Variants in LRRC4C observed in about 807,000 individuals in gnomAD.
LRRC4C encodes the protein leucine rich repeat containing 4C.
Under a neutral mutation model 33.6 loss-of-function variants are expected in LRRC4C, and 5 were observed. The observed-to-expected ratio is 0.15, with a 90% CI of 0.08 to 0.31. The LOEUF (loss-of-function observed/expected upper bound fraction) is 0.31. Ranked by LOEUF, LRRC4C falls within the 10% of genes least tolerant of loss-of-function variation. The probability of loss-of-function intolerance (pLI) is 1.00; values close to 1 mark genes in which losing one functional copy is unlikely to be tolerated. For synonymous variants in LRRC4C, 329 were observed against 302.0 expected, an observed-to-expected ratio of 1.09 and a Z score of -0.93; for missense variants, 560 against 796.7, an observed-to-expected ratio of 0.70 and a Z score of 3.58.
At chr11:40,806,970 C>T (rs1951281695) in intron 2 of LRRC4C, among the ~76,000 whole-genome samples, 1 of 151,904 alleles carries the variant, frequency 6.6e-6, no homozygotes, top group Non-Finnish European at 1.5e-5. Flanking sequence ...TAAAAAAAAA[C>T]TGCTCTACTT....
intron 3 of LRRC4C, among the ~76,000 whole-genome samples, chr11:40,500,343 AT>A (rs1231991338): frequency 2.0e-5 from 3 of 149,226 alleles, no homozygotes; most frequent in Non-Finnish European, 3.0e-5. Context: ...CATTATATAT[AT>A]ATACACATTA....
intron 1 of LRRC4C, among the ~76,000 whole-genome samples, chr11:40,997,217 A>T (rs934549838): frequency 2.0e-5 from 3 of 152,158 alleles, no homozygotes; most frequent in Admixed American, 2.0e-4. Context: ...GAGAAGAAAA[A>T]TAAGAGAGAG....
chr11:40,513,299 A>G (rs1955418326), intron 3 of LRRC4C, among the ~76,000 whole-genome samples: 1 of 152,100 alleles, frequency 6.6e-6, no homozygotes, highest in South Asian at 2.1e-4. Context: ...CACTCTAACA[A>G]TTCTTCCAAG....
At chr11:41,199,811 T>G (rs886089460) in intron 1 of LRRC4C, among the ~76,000 whole-genome samples, 2 of 152,092 alleles carry the variant, frequency 1.3e-5, no homozygotes, top group Admixed American at 6.6e-5. Flanking sequence ...TTTTCATAGA[T>G]ATTGTGGCTG....
At chr11:40,949,245 T>C (rs1239249343) in intron 1 of LRRC4C, among the ~76,000 whole-genome samples, 4 of 152,096 alleles carry the variant, frequency 2.6e-5, no homozygotes, top group Non-Finnish European at 2.9e-5. Flanking sequence ...TTTGTTGGAG[T>C]TCATTGTAGA....
chr11:40,267,163 C>T (rs924288873), intron 4 of LRRC4C, among the ~76,000 whole-genome samples: 13 of 151,888 alleles, frequency 8.6e-5, no homozygotes, highest in Non-Finnish European at 1.6e-4. Flanking sequence ...AATTTTTAAC[C>T]GAAGAAATAT....
At chr11:40,375,357 T>C (rs1314305200) in intron 3 of LRRC4C, among the ~76,000 whole-genome samples, 1 of 152,158 alleles carries the variant, frequency 6.6e-6, no homozygotes, top group Non-Finnish European at 1.5e-5. Context: ...GGAAAATGAA[T>C]CTTCTCTTTA....
At chr11:41,423,895 T>G (rs1954952269) in intron 1 of LRRC4C, 1 of 151,940 alleles carries the variant, frequency 6.6e-6, no homozygotes, top group Non-Finnish European at 1.5e-5. Context: ...TCATCTTGAA[T>G]TCCTATGTGT....
At chr11:40,601,762 T>G (rs1178247076) in intron 3 of LRRC4C, among the ~76,000 whole-genome samples, 1 of 152,192 alleles carries the variant, frequency 6.6e-6, no homozygotes, top group East Asian at 1.9e-4. Context: ...GCTGATATTT[T>G]TCATGATCAA....
At chr11:40,743,192 A>G (rs2136921271) in intron 2 of LRRC4C, among the ~76,000 whole-genome samples, 1 of 152,262 alleles carries the variant, frequency 6.6e-6, no homozygotes, top group East Asian at 1.9e-4. Context: ...ATAATCTTAA[A>G]AATGATATCA....
At chr11:40,130,760 C>T (rs1856592704) in intron 6 of LRRC4C, among the ~76,000 whole-genome samples, 1 of 152,204 alleles carries the variant, frequency 6.6e-6, no homozygotes, top group Non-Finnish European at 1.5e-5. Flanking sequence ...GTTGTATCTC[C>T]CACTGTTCTT....
rs142162394 is a variant in LRRC4C, at chr11:40,543,059, T to C, written c.-270+105083A>G. Among the ~76,000 whole-genome samples the C allele has an allele frequency of 2.1e-4, 32 of 152,256 alleles. No homozygotes were observed. In the East Asian group the frequency reaches 5.8e-3, roughly 28 times the overall value. ...TCAGGCATATTATAGTTCCTTATGA[T>C]AGGATATCTGGCATATACCATGGTC... On this transcript the variant is annotated intron_variant, in intron 3 of 6. Transcript: ENST00000528697.
intron 3 of LRRC4C, among the ~76,000 whole-genome samples, chr11:40,613,597 A>C (rs1308749135): frequency 6.6e-6 from 1 of 151,726 alleles, no homozygotes; most frequent in East Asian, 1.9e-4. Context: ...GTTAATGTTA[A>C]TATTTTGGCC....
chr11:40,296,516 T>C (rs549546022), intron 4 of LRRC4C, among the ~76,000 whole-genome samples: 1 of 152,232 alleles, frequency 6.6e-6, no homozygotes, highest in East Asian at 1.9e-4. Context: ...AACATTAAGG[T>C]TTTGGTAACA....
At chr11:40,510,502 A>G (rs1242924613) in intron 3 of LRRC4C, among the ~76,000 whole-genome samples, 2 of 152,218 alleles carry the variant, frequency 1.3e-5, no homozygotes, top group Admixed American at 6.5e-5. Flanking sequence ...AGAATCCTGT[A>G]AATTCATTAT....
chr11:41,142,089 A>G (rs1317777339), intron 1 of LRRC4C, among the ~76,000 whole-genome samples: 2 of 152,290 alleles, frequency 1.3e-5, no homozygotes, highest in African/African-American at 4.8e-5. Flanking sequence ...TTACAATTAC[A>G]AAAGTCCCAA....
At chr11:40,157,783 A>T (rs768145711) in intron 5 of LRRC4C, among the ~76,000 whole-genome samples, 4 of 152,166 alleles carry the variant, frequency 2.6e-5, no homozygotes, top group South Asian at 2.1e-4. Flanking sequence ...GATGCGGTGA[A>T]CAGGGAACAC....
At chr11:40,944,047 C>T (rs917240911) in intron 1 of LRRC4C, among the ~76,000 whole-genome samples, 6 of 152,124 alleles carry the variant, frequency 3.9e-5, no homozygotes, top group Admixed American at 3.3e-4. Context: ...GGTAAATACA[C>T]ATCATTACAT....
Position 41,355,552 on chromosome 11 carries a change from A to C in LRRC4C, c.-496+103879T>G, listed in dbSNP as rs530275681. ...CAATTTGTATATATATCAAGAGGGCATTCTCAGGGATAGTTAAATATTGTA... is the reference window on the plus strand; with the variant it reads ...CAATTTGTATATATATCAAGAGGGCCTTCTCAGGGATAGTTAAATATTGTA... On this transcript the variant is annotated intron_variant, in intron 1 of 6. Coordinates refer to ENST00000528697, the MANE Select transcript of LRRC4C (RefSeq NM_001258419.2). Among the ~76,000 whole-genome samples, 58 of 152,236 alleles carry C rather than the reference A, an allele frequency of 3.8e-4. 1 individual carries two copies. The South Asian group carries it at 0.012, about 31-fold the overall frequency.
Sources: allele counts gnomAD v4.1 joint callset (sites outside exome capture counted in the v4.1 genomes callset), GRCh38; gene constraint gnomAD v4.1.1; transcripts MANE v1.5; gene names NCBI Gene and HGNC (gene_info 2026-07-23, HGNC 2026-07-21).